Variants in TTBK2 observed in about 807,000 individuals in gnomAD.
TTBK2 encodes tau-tubulin kinase 2.
In TTBK2, 28 loss-of-function variants were observed where a neutral mutation model predicts 110.8. The ratio of observed to expected loss-of-function variants is 0.25; its 90% CI spans 0.19 to 0.35. The LOEUF (loss-of-function observed/expected upper bound fraction) is 0.35, where lower values mean the gene tolerates loss of function less well. TTBK2 is among the 10% of genes least tolerant of loss of function. The pLI is 1.00. For missense variants in TTBK2, 1,369 were observed against 1,500.3 expected (o/e 0.91, Z 1.45); for synonymous variants, 532 against 527.3 (o/e 1.01, Z -0.12).
At chr15:42,800,299 A>G in intron 9 of TTBK2, 1 of 439,838 alleles carries the variant, frequency 2.3e-6, no homozygotes, top group Non-Finnish European at 4.5e-6. Flanking sequence ...GCCTACATAG[A>G]TGCTTGGTGC....
At chr15:42,789,857 A>ACACACACACACC (rs1295998544) in intron 10 of TTBK2, among the ~76,000 whole-genome samples, 1 of 151,296 alleles carries the variant, frequency 6.6e-6, no homozygotes, top group Non-Finnish European at 1.5e-5. Flanking sequence ...CATACAATAC[A>ACACACACACACC]CACACACACA....
chr15:42,812,570 T>C (rs1005637284), intron 7 of TTBK2, among the ~76,000 whole-genome samples: 1 of 152,118 alleles, frequency 6.6e-6, no homozygotes, highest in Non-Finnish European at 1.5e-5. Context: ...AGAAGTGCTA[T>C]AGAAAAAGCC....
chr15:42,856,431 T>C (rs1229491166), intron 3 of TTBK2, among the ~76,000 whole-genome samples: 3 of 152,114 alleles, frequency 2.0e-5, no homozygotes, highest in Non-Finnish European at 2.9e-5. Context: ...AACTGTGACA[T>C]GGCAACAAAA....
intron 14 of TTBK2, among the ~76,000 whole-genome samples, chr15:42,747,291 G>A (rs552239153): frequency 9.2e-5 from 14 of 152,254 alleles, no homozygotes; most frequent in African/African-American, 3.1e-4. Flanking sequence ...AATTCTTAGA[G>A]TATTCATATG....
chr15:42,899,374 T>A (rs1314161139), intron 1 of TTBK2, among the ~76,000 whole-genome samples: 1 of 151,646 alleles, frequency 6.6e-6, no homozygotes, highest in African/African-American at 2.4e-5. Flanking sequence ...GGTAGGCGGA[T>A]CACTTGAGGT....
intron 1 of TTBK2, among the ~76,000 whole-genome samples, chr15:42,892,193 A>G (rs978210379): frequency 1.3e-5 from 2 of 152,196 alleles, no homozygotes; most frequent in Non-Finnish European, 2.9e-5. Context: ...CTAGAAATCA[A>G]TAACGGCAAG....
At chr15:42,864,526 G>A (rs1413169077) in intron 3 of TTBK2, among the ~76,000 whole-genome samples, 2 of 152,030 alleles carry the variant, frequency 1.3e-5, no homozygotes, top group East Asian at 3.9e-4. Flanking sequence ...AAAGCTTGCA[G>A]TGAGCTGAGA....
At chr15:42,886,591 TC>T (rs1186564636) in intron 1 of TTBK2, among the ~76,000 whole-genome samples, 1 of 151,990 alleles carries the variant, frequency 6.6e-6, no homozygotes, top group Non-Finnish European at 1.5e-5. Context: ...TTAGAAAAAC[TC>T]CAAAAATTAG....
chr15:42,818,932 A>AC (rs1892165481), intron 6 of TTBK2, among the ~76,000 whole-genome samples: 3 of 149,620 alleles, frequency 2.0e-5, no homozygotes, highest in African/African-American at 7.3e-5. Flanking sequence ...CAAAAAAAAA[A>AC]AACAAAAAAC....
Position 42,775,392 on chromosome 15 carries a change from C to T in TTBK2, c.1741G>A (p.Glu581Lys). Residue 581 changes from glutamate (E) to lysine (K), a missense_variant, in exon 13 of 15, where the codon GAG (glutamate) becomes AAG (lysine). This residue lies in a region of TTBK2 where 1,097 missense variants were observed against 1,114.7 expected (regional missense o/e 0.98). Coordinates refer to ENST00000267890, the MANE Select transcript of TTBK2 (RefSeq NM_173500.4). Reference protein sequence around the residue: ...GHKTTGSPSDEEPEVLQVLEA... With the variant: ...GHKTTGSPSDKEPEVLQVLEA... The stretch of plus-strand genomic sequence containing the variant: ...AGGACTTGAAGTACTTCAGGCTCCT[C>T]ATCAGAAGGACTTCCAGTTGTTTTA... The T allele has an allele frequency of 6.2e-7, 1 of 1,614,218 alleles. No homozygotes were observed. The highest frequency in any genetic ancestry group is 8.5e-7 in the Non-Finnish European group (1 of 1,180,040).
At chr15:42,756,872 A>C (rs1020757916) in intron 13 of TTBK2, among the ~76,000 whole-genome samples, 1 of 151,830 alleles carries the variant, frequency 6.6e-6, no homozygotes, top group Non-Finnish European at 1.5e-5. Flanking sequence ...CCTCAAAAAA[A>C]ACAAAAACAA....
intron 3 of TTBK2, among the ~76,000 whole-genome samples, chr15:42,862,375 A>C (rs2141085375): frequency 6.6e-6 from 1 of 152,310 alleles, no homozygotes; most frequent in East Asian, 1.9e-4. Context: ...CACATCCAAA[A>C]GTTAATTCAC....
At chr15:42,841,826 A>T (rs1893234068) in intron 3 of TTBK2, among the ~76,000 whole-genome samples, 5 of 152,176 alleles carry the variant, frequency 3.3e-5, no homozygotes, top group Admixed American at 3.3e-4. Context: ...TCAAAATATG[A>T]GAATATAGTA....
At chr15:42,839,953 A>G (rs902977030) in intron 4 of TTBK2, among the ~76,000 whole-genome samples, 4 of 152,194 alleles carry the variant, frequency 2.6e-5, no homozygotes, top group Non-Finnish European at 5.9e-5. Context: ...CCAGAATGGT[A>G]AGAAATAAAT....
intron 13 of TTBK2, among the ~76,000 whole-genome samples, chr15:42,763,153 T>TAC (rs1312779081): frequency 4.8e-4 from 27 of 56,824 alleles, no homozygotes; most frequent in Admixed American, 9.1e-4. Flanking sequence ...CATATATATA[T>TAC]ATACATATAT....
At chr15:42,821,682 T>G (rs1238256094) in intron 6 of TTBK2, among the ~76,000 whole-genome samples, 4 of 141,718 alleles carry the variant, frequency 2.8e-5, no homozygotes, top group Non-Finnish European at 6.0e-5. Context: ...GGTTTTTGTT[T>G]TTTGTTTTTT....
chr15:42,779,413 A>T (rs1201031661), intron 11 of TTBK2, among the ~76,000 whole-genome samples: 3 of 151,688 alleles, frequency 2.0e-5, no homozygotes, highest in Non-Finnish European at 4.4e-5. Context: ...TGTCACAAAA[A>T]AAAAAAAAAA....
At position 42,852,813 on chromosome 15, in the gene TTBK2, C is replaced by T. The variant is rs116299440; in HGVS notation, c.218-12380G>A. On this transcript the variant is annotated intron_variant, in intron 3 of 14. Transcript: ENST00000267890. ...CCTTTGGTGGAACAATGAACATCAA[C>T]AAGGACAAGCAAAAAGTTACTTTAG... Among the ~76,000 whole-genome samples, 271 of 152,156 alleles carry T rather than the reference C, an allele frequency of 1.8e-3. 1 individual carries two copies. The highest frequency in any genetic ancestry group is 6.3e-3 in the African/African-American group (262 of 41,508).
In TTBK2 at chr15:42,812,920, T is replaced by G. The variant is rs180803936; in HGVS notation, c.604-1140A>C. ...CAATTGGAAAACAGATATGAAGAAA[T>G]TATCTAGAATGCAGCACAGAGACAC... is the stretch of plus-strand genomic sequence containing the variant. On this transcript the variant is annotated intron_variant, in intron 7 of 14. Coordinates refer to ENST00000267890, the MANE Select transcript of TTBK2 (RefSeq NM_173500.4). 3.0e-4 allele frequency among the ~76,000 whole-genome samples: 45 copies of G among 151,344 alleles called. No individual in the cohort carries two copies. The Middle Eastern group carries it at 0.01, about 34-fold the overall frequency.
Sources: gnomAD v4.1 joint callset for allele counts (sites outside exome capture counted in the v4.1 genomes callset) on GRCh38, gnomAD v4.1.1 for gene constraint, gnomAD v4.1.1 regional missense constraint, MANE v1.5 for transcripts, NCBI Gene and HGNC (gene_info 2026-07-23, HGNC 2026-07-21) for gene names.